The following SAMD3 variants were observed in gnomAD, a reference collection of about 807,000 sequenced individuals.
SAMD3 encodes the protein sterile alpha motif domain containing 3.
SAMD3 carries 63 observed loss-of-function variants against 58.5 expected under a neutral mutation model. That is an observed-to-expected ratio of 1.08 (90% CI 0.88 to 1.33). SAMD3 has a LOEUF of 1.33. SAMD3 is among the 40% of genes most tolerant of loss of function. The probability of loss-of-function intolerance (pLI) is 0.00; values close to 1 mark genes in which losing one functional copy is unlikely to be tolerated. For synonymous variants in SAMD3, 220 were observed against 210.3 expected (o/e 1.05, Z -0.40); for missense variants, 604 against 608.4 (o/e 0.99, Z 0.08).
intron 2 of SAMD3, among the ~76,000 whole-genome samples, chr6:130,242,472 C>T (rs774905143): frequency 1.6e-4 from 24 of 152,262 alleles, no homozygotes; most frequent in Non-Finnish European, 2.5e-4. Context: ...AGGGAAAACA[C>T]GATCATGGAT....
intron 2 of SAMD3, among the ~76,000 whole-genome samples, chr6:130,285,394 A>G (rs1472581790): frequency 6.6e-6 from 1 of 152,202 alleles, no homozygotes; most frequent in East Asian, 1.9e-4. Context: ...TAAAATCCAG[A>G]AAAGCAGCCT....
intron 2 of SAMD3, among the ~76,000 whole-genome samples, chr6:130,243,681 G>T (rs1459458479): frequency 6.6e-6 from 1 of 152,118 alleles, no homozygotes; most frequent in Non-Finnish European, 1.5e-5. Context: ...TACTGACTGT[G>T]CTAAATATAT....
Position 130,246,224 on chromosome 6 carries a change from A to G in SAMD3, c.-187-23411T>C, listed in dbSNP as rs1231200967. Among the ~76,000 whole-genome samples the G allele has an allele frequency of 2.0e-5, 3 of 152,346 alleles. No individual in the cohort carries two copies. The East Asian group carries it at 5.8e-4, about 29-fold the overall frequency. On this transcript the variant is annotated intron_variant, in intron 2 of 13. Transcript: ENST00000368134. ...ATACAAACATATGAAAAATATAAAT[A>G]TATGTACCTTGTTTTATAGATTTAA...
chr6:130,292,905 A>G (rs1323931766), intron 2 of SAMD3, among the ~76,000 whole-genome samples: 1 of 152,228 alleles, frequency 6.6e-6, no homozygotes, highest in Non-Finnish European at 1.5e-5. Context: ...TGCGTGAACC[A>G]CCATGCCCGG....
At chr6:130,329,593 C>T (rs1776864440) in intron 1 of SAMD3, among the ~76,000 whole-genome samples, 1 of 152,144 alleles carries the variant, frequency 6.6e-6, no homozygotes, top group Non-Finnish European at 1.5e-5. Context: ...ATAAATCATT[C>T]TACTATAAAG....
chr6:130,214,202 A>G (rs535806345), intron 4 of SAMD3, 135 bp downstream of exon 4: 35 of 649,758 alleles, frequency 5.4e-5, no homozygotes, highest in Non-Finnish European at 8.1e-5. Context: ...TTGCTCAAAT[A>G]TTAGAAATAC....
intron 2 of SAMD3, among the ~76,000 whole-genome samples, chr6:130,237,911 G>T (rs1290661081): frequency 1.3e-5 from 2 of 152,048 alleles, no homozygotes; most frequent in Non-Finnish European, 2.9e-5. Flanking sequence ...TATTTATTTA[G>T]CAAAGTTTCA....
intron 1 of SAMD3, among the ~76,000 whole-genome samples, chr6:130,353,278 A>T (rs1777733932): frequency 6.6e-6 from 1 of 152,186 alleles, no homozygotes; most frequent in Admixed American, 6.5e-5. Context: ...CATTACCATA[A>T]ATAAAACTGA....
chr6:130,323,193 C>A (rs1194714166), intron 1 of SAMD3, among the ~76,000 whole-genome samples: 1 of 152,120 alleles, frequency 6.6e-6, no homozygotes, highest in Non-Finnish European at 1.5e-5. Context: ...AGTGAGAGAA[C>A]AGGACAACGG....
At chr6:130,349,284 C>A (rs895553978) in intron 1 of SAMD3, among the ~76,000 whole-genome samples, 4 of 152,146 alleles carry the variant, frequency 2.6e-5, no homozygotes, top group Admixed American at 2.6e-4. Context: ...ATCAATGAAT[C>A]CAGGAGATGG....
At position 130,215,349 on chromosome 6, in the gene SAMD3, ATT is replaced by A. The variant is rs34071457; in HGVS notation, c.-21-57_-21-56del. On this transcript the variant is annotated intron_variant, in intron 2 of 11. Coordinates refer to ENST00000439090, the MANE Select transcript of SAMD3 (RefSeq NM_001017373.4). Reference sequence around the variant, plus strand: ...AGCTTTTCTTTCTGATTGTGCCTTAATTTTTTTTTTAACAGTCAGCCGCTTCC... The same window carrying A: ...AGCTTTTCTTTCTGATTGTGCCTTAATTTTTTTTAACAGTCAGCCGCTTCC... The A allele has an allele frequency of 1.5e-3, 1,717 of 1,182,880 alleles. 12 individuals carry two copies. The African/African-American group carries it at 0.015, about 10-fold the overall frequency. 73.3% of individuals were successfully genotyped at this position (1,182,880 alleles called of 1,614,324 possible).
At chr6:130,361,389 A>G (rs1777985230) in intron 1 of SAMD3, among the ~76,000 whole-genome samples, 1 of 152,194 alleles carries the variant, frequency 6.6e-6, no homozygotes, top group Non-Finnish European at 1.5e-5. Context: ...TATTCCCTGG[A>G]CCCCTAAATA....
chr6:130,334,776 C>T (rs1206393465), intron 1 of SAMD3, among the ~76,000 whole-genome samples: 1 of 152,152 alleles, frequency 6.6e-6, no homozygotes, highest in Non-Finnish European at 1.5e-5. Flanking sequence ...TGTGGCAGAT[C>T]CAGAATGAAA....
intron 2 of SAMD3, among the ~76,000 whole-genome samples, chr6:130,277,101 T>C (rs2114944468): frequency 6.6e-6 from 1 of 152,358 alleles, no homozygotes; most frequent in South Asian, 2.1e-4. Context: ...ACATGATTCC[T>C]GAGAAGTAAG....
chr6:130,338,323 T>A (rs568052071), intron 1 of SAMD3, among the ~76,000 whole-genome samples: 4 of 152,210 alleles, frequency 2.6e-5, no homozygotes, highest in Non-Finnish European at 5.9e-5. Context: ...AATGTCTGGA[T>A]GTACAGGCAG....
intron 2 of SAMD3, among the ~76,000 whole-genome samples, chr6:130,248,287 T>C (rs538280525): frequency 3.9e-5 from 6 of 152,174 alleles, no homozygotes; most frequent in East Asian, 3.9e-4. Flanking sequence ...ATTTCAACAT[T>C]GTTCAAACAC....
At chr6:130,261,437 C>T (rs1222845041) in intron 2 of SAMD3, among the ~76,000 whole-genome samples, 1 of 151,872 alleles carries the variant, frequency 6.6e-6, no homozygotes, top group Non-Finnish European at 1.5e-5. Flanking sequence ...TGTGCCTGTA[C>T]CAGCACTTTG....
chr6:130,323,324 C>T (rs1182316601), intron 1 of SAMD3, among the ~76,000 whole-genome samples: 1 of 152,200 alleles, frequency 6.6e-6, no homozygotes, highest in Non-Finnish European at 1.5e-5. Context: ...CTGTGAGATG[C>T]TCTTGGCAGC....
At chr6:130,349,952 C>G (rs1420354767) in intron 1 of SAMD3, among the ~76,000 whole-genome samples, 2 of 152,158 alleles carry the variant, frequency 1.3e-5, no homozygotes, top group African/African-American at 4.8e-5. Flanking sequence ...AGCATATAAA[C>G]AGAACCAAAG....
Sources: gnomAD v4.1 joint callset for allele counts (sites outside exome capture counted in the v4.1 genomes callset) on GRCh38, gnomAD v4.1.1 for gene constraint, MANE v1.5 for transcripts, NCBI Gene and HGNC (gene_info 2026-07-23, HGNC 2026-07-21) for gene names.